PLXNA4: variants seen among roughly 807,000 people sequenced by gnomAD.
The protein encoded by PLXNA4 is plexin-A4.
A neutral mutation model predicts 191.8 loss-of-function variants in PLXNA4; 44 were observed. The ratio of observed to expected loss-of-function variants is 0.23; its 90% CI spans 0.18 to 0.29. PLXNA4 has a LOEUF of 0.29. Among genes scored for constraint, PLXNA4 ranks in the 10% least tolerant of loss-of-function variants. PLXNA4 has a pLI of 1.00. For synonymous variants in PLXNA4, 1,082 were observed against 1,009.5 expected, an observed-to-expected ratio of 1.07 and a Z score of -1.36; for missense variants, 1,800 against 2,488.8, an observed-to-expected ratio of 0.72 and a Z score of 5.89.
intron 1 of PLXNA4, among the ~76,000 whole-genome samples, chr7:132,563,140 TCCTCTTCCTCC>T: frequency 1.1e-5 from 1 of 88,562 alleles, no homozygotes. Flanking sequence ...CTCCTCCTTC[TCCTCTTCCTCC>T]TTCTCCTCCT....
intron 7 of PLXNA4, among the ~76,000 whole-genome samples, chr7:132,226,675 T>G (rs530339863): frequency 5.0e-4 from 76 of 152,342 alleles, no homozygotes; most frequent in Non-Finnish European, 1.0e-3. Context: ...GCTCATTCCC[T>G]GTCTCTGTAA....
At chr7:132,632,003 G>A (rs1476955000) in intron 2 of PLXNA4, among the ~76,000 whole-genome samples, 1 of 152,206 alleles carries the variant, frequency 6.6e-6, no homozygotes. Context: ...GGGAGGCCAA[G>A]GCGGGTGGAT....
chr7:132,625,464 A>C lies in PLXNA4; in HGVS notation c.-87+20464T>G, dbSNP rs190626245. 2.3e-4 allele frequency among the ~76,000 whole-genome samples: 35 copies of C among 152,328 alleles called. 1 individual carries two copies. The East Asian group carries it at 6.7e-3, about 29-fold the overall frequency. On this transcript the variant is annotated intron_variant, in intron 2 of 4. Transcript: ENST00000378539. Reference sequence around the variant, plus strand: ...AGGGGATATTCCCCTCTCTCTAGGTACTATCTTTTCACACCATTCACATAG... The same window carrying C: ...AGGGGATATTCCCCTCTCTCTAGGTCCTATCTTTTCACACCATTCACATAG...
intron 14 of PLXNA4, among the ~76,000 whole-genome samples, chr7:132,191,772 A>ATCTCTCTCTCTCTCTCTCTC (rs145828587): frequency 0.011 from 1,620 of 142,704 alleles, 46 homozygotes; most frequent in African/African-American, 0.032. Flanking sequence ...TCCTCTCTCC[A>ATCTCTCTCTCTCTCTCTCTC]TCTCTCTCTC....
chr7:132,572,294 T>C (rs1802014096), intron 1 of PLXNA4, among the ~76,000 whole-genome samples: 1 of 146,536 alleles, frequency 6.8e-6, no homozygotes, highest in African/African-American at 2.8e-5. Flanking sequence ...CCTATCTGGG[T>C]TGTTATGAGG....
chr7:132,420,348 G>A (rs950568882), intron 3 of PLXNA4, among the ~76,000 whole-genome samples: 10 of 152,116 alleles, frequency 6.6e-5, no homozygotes, highest in Non-Finnish European at 1.2e-4. Flanking sequence ...TGAGCTGCTG[G>A]TCCAGGGGAC....
At chr7:132,488,907 G>C (rs905749601) in intron 3 of PLXNA4, among the ~76,000 whole-genome samples, 4 of 152,226 alleles carry the variant, frequency 2.6e-5, no homozygotes, top group Non-Finnish European at 4.4e-5. Flanking sequence ...AGAAGGGCTG[G>C]AGCAAGGGGA....
Position 132,129,638 on chromosome 7 carries a change from G to A in PLXNA4, c.*841C>T, listed in dbSNP as rs1794869904. 2 of 152,714 alleles carry A rather than the reference G, an allele frequency of 1.3e-5. No homozygotes were observed. Among genetic ancestry groups the A allele is most frequent in the African/African-American group, 4.8e-5 (2 of 41,544 alleles). The allele number at this position is 152,714 out of a possible 1,614,324, so 9.5% of individuals were successfully genotyped here. A position where few individuals can be genotyped will look rare whatever the true frequency, so the allele number is the denominator to read the frequency against. ...ATGGAAAACAAATTCTGCTTCCAGG[G>A]TAGATGCAACTCTCTTTCCTTTTCT... On this transcript the variant is annotated 3_prime_UTR_variant, in exon 32 of 32. Transcript: ENST00000321063.
chr7:132,229,843 G>T (rs1370883514), intron 5 of PLXNA4, among the ~76,000 whole-genome samples: 1 of 152,060 alleles, frequency 6.6e-6, no homozygotes, highest in Non-Finnish European at 1.5e-5. Context: ...TGGACACCCT[G>T]AGCTGCTATT....
chr7:132,308,307 G>T (rs147954480), intron 3 of PLXNA4, among the ~76,000 whole-genome samples: 2 of 152,128 alleles, frequency 1.3e-5, no homozygotes, highest in African/African-American at 4.8e-5. Context: ...CAGCCACCCC[G>T]TGACCCCAGA....
At chr7:132,173,795 G>C (rs953773515) in intron 21 of PLXNA4, among the ~76,000 whole-genome samples, 2 of 152,148 alleles carry the variant, frequency 1.3e-5, no homozygotes, top group African/African-American at 4.8e-5. Context: ...TTGTTGCTTT[G>C]GCTGTAGATT....
chr7:132,639,409 A>T (rs1170492156), intron 2 of PLXNA4, among the ~76,000 whole-genome samples: 1 of 152,302 alleles, frequency 6.6e-6, no homozygotes, highest in South Asian at 2.1e-4. Context: ...TCTCACCATC[A>T]TGACCATGTA....
rs866772974 is a variant in PLXNA4, at chr7:132,618,104, G to A, written c.-87+27824C>T. Among the ~76,000 whole-genome samples the A allele has an allele frequency of 4.6e-5, 7 of 152,190 alleles. No individual in the cohort carries two copies. In the South Asian group the frequency reaches 6.2e-4, roughly 14 times the overall value. On this transcript the variant is annotated intron_variant, in intron 2 of 4. Coordinates refer to the PLXNA4 transcript ENST00000378539. Reference sequence around the variant, plus strand: ...AGGTCTCATGGGCCAGAATTGAGTCGTATGGCCAAACTCAGCTGCAAGGGA... The same window carrying A: ...AGGTCTCATGGGCCAGAATTGAGTCATATGGCCAAACTCAGCTGCAAGGGA...
chr7:132,239,418 G>A (rs1002124588), intron 5 of PLXNA4, among the ~76,000 whole-genome samples: 1 of 152,156 alleles, frequency 6.6e-6, no homozygotes, highest in African/African-American at 2.4e-5. Flanking sequence ...ATTGCCACTG[G>A]GCATGGAGTG....
intron 3 of PLXNA4, among the ~76,000 whole-genome samples, chr7:132,437,978 C>T (rs181567808): frequency 4.7e-4 from 72 of 152,166 alleles, no homozygotes; most frequent in East Asian, 4.2e-3. Flanking sequence ...GAGGCCAGGC[C>T]GGAAGGAAAG....
chr7:132,163,574 G>A (rs946946257), intron 24 of PLXNA4, among the ~76,000 whole-genome samples: 1 of 152,160 alleles, frequency 6.6e-6, no homozygotes, highest in Admixed American at 6.5e-5. Flanking sequence ...TGCCTCCTAG[G>A]GTAGCTGTTT....
intron 16 of PLXNA4, 47 bp downstream of exon 16, chr7:132,185,252 G>C: frequency 6.4e-7 from 1 of 1,562,712 alleles, no homozygotes; most frequent in Non-Finnish European, 8.7e-7. Flanking sequence ...TCAGGGAAGG[G>C]AAACAGAGGT....
intron 2 of PLXNA4, among the ~76,000 whole-genome samples, chr7:132,615,291 G>A (rs1241470671): frequency 1.3e-5 from 2 of 152,130 alleles, no homozygotes; most frequent in Non-Finnish European, 2.9e-5. Context: ...GAGGGGAGTG[G>A]TGGCAGAGGG....
intron 3 of PLXNA4, among the ~76,000 whole-genome samples, chr7:132,377,989 C>T (rs1435593618): frequency 6.6e-6 from 1 of 152,182 alleles, no homozygotes; most frequent in Non-Finnish European, 1.5e-5. Context: ...CCTCCAACTT[C>T]TGCTGACATA....
Sources: gnomAD v4.1 joint callset for allele counts (sites outside exome capture counted in the v4.1 genomes callset) on GRCh38, gnomAD v4.1.1 for gene constraint, MANE v1.5 for transcripts, NCBI Gene and HGNC (gene_info 2026-07-23, HGNC 2026-07-21) for gene names.